The following TRIM54 variants were observed in gnomAD, a reference collection of about 807,000 sequenced individuals.
TRIM54 encodes tripartite motif containing 54.
Under a neutral mutation model 42.0 loss-of-function variants are expected in TRIM54, and 40 were observed. That is an observed-to-expected ratio of 0.95 (90% CI 0.74 to 1.24). The LOEUF (loss-of-function observed/expected upper bound fraction) is 1.24. TRIM54 is among the 50% of genes most tolerant of loss of function. The pLI, the probability that TRIM54 is intolerant of heterozygous loss-of-function variation, is 0.00. For missense variants in TRIM54, 485 were observed against 480.3 expected, an observed-to-expected ratio of 1.01 and a Z score of -0.09; for synonymous variants, 199 against 194.9, an observed-to-expected ratio of 1.02 and a Z score of -0.17.
chr2:27,298,716 C>T lies in TRIM54; in HGVS notation c.318C>T (p.Asp106=), dbSNP rs1558587399. 1.2e-6 allele frequency: 2 copies of T among 1,614,100 alleles called. No homozygotes were observed. The highest frequency in any genetic ancestry group is 2.2e-5 in the East Asian group (1 of 44,884). The change falls in exon 2 of 9, where the codon GAC becomes GAT. Residue 106 remains aspartate, a synonymous_variant. Coordinates refer to ENST00000380075, the MANE Select transcript of TRIM54 (RefSeq NM_187841.3). ...ACCTGCTAGTGGAGAACATTATCGACATTTACAAGCAGGAGTCATCCAGGT... is the reference window on the plus strand; with the variant it reads ...ACCTGCTAGTGGAGAACATTATCGATATTTACAAGCAGGAGTCATCCAGGT... ...QRNLLVENII[D]IYKQESSRPL...
chr2:27,306,654 C>T lies in TRIM54; in HGVS notation c.*1+112C>T. 8.6e-7 allele frequency: 1 copy of T among 1,158,920 alleles called. No individual in the cohort carries two copies. Among genetic ancestry groups the T allele is most frequent in the Admixed American group, 2.8e-5 (1 of 35,116 alleles). 71.8% of individuals were successfully genotyped at this position (1,158,920 alleles called of 1,614,324 possible). On this transcript the variant is annotated intron_variant, in intron 8 of 8. Transcript: ENST00000380075. The surrounding 1 kb of genome is among the most constrained non-coding windows in gnomAD (Gnocchi z 6.1). ...CAGTGATTGCCCTCCCTGCGGGTAG[C>T]GTGGAGCCCCCACTCCTCGGTGCAA...
At chr2:27,301,271 C>T (rs1679028871) in intron 3 of TRIM54, among the ~76,000 whole-genome samples, 1 of 151,684 alleles carries the variant, frequency 6.6e-6, no homozygotes, top group Non-Finnish European at 1.5e-5. Context: ...TCCCAAGTAT[C>T]TGGGATTACA....
intron 3 of TRIM54, among the ~76,000 whole-genome samples, chr2:27,303,720 T>C (rs905985588): frequency 6.6e-6 from 1 of 152,080 alleles, no homozygotes; most frequent in Non-Finnish European, 1.5e-5. Context: ...ATCAATAAAA[T>C]ATTAGATCAC....
Position 27,306,289 on chromosome 2 carries a change from A to AGGGTGGAGCACGT in TRIM54, c.946_958dup (p.Ala320GlyfsTer139). 1.2e-6 allele frequency: 2 copies of AGGGTGGAGCACGT among 1,614,166 alleles called. No homozygotes were observed. The highest frequency in any genetic ancestry group is 1.7e-6 in the Non-Finnish European group (2 of 1,180,022). On this transcript the variant is annotated frameshift_variant, in exon 7 of 9. Transcript: ENST00000380075. LOFTEE classifies it high-confidence loss of function. The surrounding 1 kb of genome is among the most constrained non-coding windows in gnomAD (Gnocchi z 6.1). The stretch of plus-strand genomic sequence containing the variant: ...TGAGAGCATGGAGCAATTCACCGTA[A>AGGGTGGAGCACGT]GGGTGGAGCACGTGGCCGAAATGCT...
intron 1 of TRIM54, among the ~76,000 whole-genome samples, chr2:27,294,860 G>C (rs533997436): frequency 2.2e-4 from 30 of 136,678 alleles, no homozygotes; most frequent in African/African-American, 6.0e-4. Flanking sequence ...ACTGCACTCC[G>C]GCCTGGGCGA....
intron 1 of TRIM54, among the ~76,000 whole-genome samples, chr2:27,283,782 GCGCACACACACACACACACACACACA>G (rs1333436647): frequency 1.2e-5 from 1 of 86,322 alleles, no homozygotes; most frequent in African/African-American, 4.9e-5. Context: ...ACACACACGC[GCGCACACACACACACACACACACACA>G]CACACACACA....
In TRIM54 at chr2:27,306,972, G is replaced by A. The variant is rs1303367531; in HGVS notation, c.*87G>A. 1 of 241,972 alleles carries A rather than the reference G, an allele frequency of 4.1e-6. No individual in the cohort carries two copies. The highest frequency in any genetic ancestry group is 8.0e-6 in the Non-Finnish European group (1 of 124,540). The allele number at this position is 241,972 out of a possible 1,614,324, so 15.0% of individuals were successfully genotyped here. A position where few individuals can be genotyped will look rare whatever the true frequency, so the allele number is the denominator to read the frequency against. On this transcript the variant is annotated 3_prime_UTR_variant, in exon 9 of 9. Coordinates refer to ENST00000380075, the MANE Select transcript of TRIM54 (RefSeq NM_187841.3). This position sits in a 1 kb window ranked among gnomAD's most constrained non-coding sequence, Gnocchi z 6.1. Reference sequence around the variant, plus strand: ...AGACCGCAGCATCACCCAAATCGGCGCCGGCCCCGGGAGGATCTCAATAAA... The same window carrying A: ...AGACCGCAGCATCACCCAAATCGGCACCGGCCCCGGGAGGATCTCAATAAA...
chr2:27,304,823 CT>C (rs756377191), intron 3 of TRIM54, 135 bp from the exon 4 acceptor site: 5 of 652,060 alleles, frequency 7.7e-6, no homozygotes, highest in Non-Finnish European at 1.4e-5. Flanking sequence ...TGGTTCAAGC[CT>C]TCTAGATTGC....
chr2:27,306,456 G>A lies in TRIM54; in HGVS notation c.992G>A (p.Gly331Asp). ...CTCACCAGGCCTTCCTTGGGCTCAG[G>A]CGCTTCCGGGGAGGAAGAGGAGGTG... is the stretch of plus-strand genomic sequence containing the variant. ...EMLRTIDFQP[G>D]ASGEEEEVAP... Residue 331 changes from glycine (G) to aspartate (D), a missense_variant and splice_region_variant, in exon 8 of 9, where the codon GGC becomes GAC. Transcript: ENST00000380075. This position sits in a 1 kb window ranked among gnomAD's most constrained non-coding sequence, Gnocchi z 6.1. The A allele has an allele frequency of 1.9e-6, 3 of 1,599,216 alleles. No individual in the cohort carries two copies. The highest frequency in any genetic ancestry group is 2.6e-6 in the Non-Finnish European group (3 of 1,172,824).
rs765394780 is a variant in TRIM54, at chr2:27,306,248, G to A, written c.902G>A (p.Arg301Gln). Residue 301 changes from arginine to glutamine, a missense_variant, in exon 7 of 9, where the codon CGG becomes CAG. Transcript: ENST00000380075. The surrounding 1 kb of genome is among the most constrained non-coding windows in gnomAD (Gnocchi z 6.1). ...ATGTCGAAGGTGGAGCTGGCAGGGC[G>A]GCCGGAGCCAGGCTATGAGAGCATG... The part of the protein sequence containing the change: ...GAMSKVELAG[R>Q]PEPGYESMEQ... The A allele has an allele frequency of 5.6e-6, 9 of 1,614,094 alleles. No homozygotes were observed. The South Asian group carries it at 6.6e-5, about 12-fold the overall frequency.
chr2:27,289,940 C>T (rs1034169027), intron 1 of TRIM54, among the ~76,000 whole-genome samples: 6 of 123,166 alleles, frequency 4.9e-5, no homozygotes, highest in Non-Finnish European at 7.8e-5. Context: ...GGCTTGATTT[C>T]GGCTCACTGC....
chr2:27,301,841 A>C (rs1257918539), intron 3 of TRIM54, among the ~76,000 whole-genome samples: 1 of 151,964 alleles, frequency 6.6e-6, no homozygotes, highest in African/African-American at 2.4e-5. Context: ...CAGCCTCCCA[A>C]AGCGTTACTC....
Position 27,283,768 on chromosome 2 carries a change from ACACACACACACGCGCG to A in TRIM54, c.168+881_168+896del, listed in dbSNP as rs1244078561. On this transcript the variant is annotated intron_variant, in intron 1 of 8. Coordinates refer to ENST00000380075, the MANE Select transcript of TRIM54 (RefSeq NM_187841.3). ...CAGGGAGAGTGAGGGGCAAAGGCAC[ACACACACACACGCGCG>A]CACACACACACACACACACACACAC... Among the ~76,000 whole-genome samples, 333 of 93,934 alleles carry A rather than the reference ACACACACACACGCGCG, an allele frequency of 3.5e-3. 2 individuals carry two copies. Among genetic ancestry groups the A allele is most frequent in the African/African-American group, 0.019 (316 of 16,876 alleles). 61.6% of individuals were successfully genotyped at this position (93,934 alleles called of 152,430 possible).
At chr2:27,289,479 G>T (rs1678662433) in intron 1 of TRIM54, among the ~76,000 whole-genome samples, 1 of 152,014 alleles carries the variant, frequency 6.6e-6, no homozygotes, top group Non-Finnish European at 1.5e-5. Flanking sequence ...ACCACACCTG[G>T]CTAATTTTGT....
intron 1 of TRIM54, among the ~76,000 whole-genome samples, chr2:27,283,270 C>T (rs1229205508): frequency 2.6e-5 from 4 of 152,024 alleles, no homozygotes; most frequent in East Asian, 3.8e-4. Context: ...GTGGAAAATA[C>T]GGAGAAAAGA....
rs1679184208 is a variant in TRIM54 at position 27,305,799 on chromosome 2, A to G, written c.825A>G (p.Gln275=). ...ESAIQSMEEP[Q]MALYLQQAKE... is the part of the protein sequence containing the mutation. ...CCATCCAGTCCATGGAAGAGCCACA[A>G]ATGGCGCTGTATCTCCAGGTGGGCT... The change falls in exon 5 of 9, where the codon CAA becomes CAG. Residue 275 remains glutamine, a synonymous_variant. Coordinates refer to ENST00000380075, the MANE Select transcript of TRIM54 (RefSeq NM_187841.3). The G allele has an allele frequency of 6.2e-7, 1 of 1,604,700 alleles. No homozygotes were observed. Among genetic ancestry groups the G allele is most frequent in the African/African-American group, 1.3e-5 (1 of 74,658 alleles).
In TRIM54 at chr2:27,305,101, C is replaced by T. The variant is rs114956796; in HGVS notation, c.609+47C>T. On this transcript the variant is annotated intron_variant, in intron 4 of 8. Transcript: ENST00000380075. ...GGAGGAACAGCAACTGGCTAGCCTGCGGACCCCGGGCTCCCAAGAGAACTG... is the reference window on the plus strand; with the variant it reads ...GGAGGAACAGCAACTGGCTAGCCTGTGGACCCCGGGCTCCCAAGAGAACTG... The T allele has an allele frequency of 2.8e-5, 43 of 1,520,358 alleles. No individual in the cohort carries two copies. The African/African-American group carries it at 3.7e-4, about 13-fold the overall frequency. 94.2% of individuals were successfully genotyped at this position (1,520,358 alleles called of 1,614,324 possible). A position where few individuals can be genotyped will look rare whatever the true frequency, so the allele number is the denominator to read the frequency against.
At chr2:27,300,011 C>T (rs1011975385) in intron 3 of TRIM54, among the ~76,000 whole-genome samples, 16 of 151,594 alleles carry the variant, frequency 1.1e-4, no homozygotes, top group African/African-American at 2.9e-4. Flanking sequence ...GGATCTCTGT[C>T]GCGCAGGCTG....
rs1434120016 is a variant in TRIM54 at position 27,306,404 on chromosome 2, C to T, written c.992-52C>T. 7 of 1,612,256 alleles carry T rather than the reference C, an allele frequency of 4.3e-6. No individual in the cohort carries two copies. The highest frequency in any genetic ancestry group is 2.2e-5 in the South Asian group (2 of 90,918). ...CTCTGTGTGGGGGGTGCGGCGGGCACGATGGCCGTAAAGGCAGGGACTCCA... is the reference window on the plus strand; with the variant it reads ...CTCTGTGTGGGGGGTGCGGCGGGCATGATGGCCGTAAAGGCAGGGACTCCA... On this transcript the variant is annotated intron_variant, in intron 7 of 8. Coordinates refer to ENST00000380075, the MANE Select transcript of TRIM54 (RefSeq NM_187841.3). This position sits in a 1 kb window ranked among gnomAD's most constrained non-coding sequence, Gnocchi z 6.1.
Sources: allele counts gnomAD v4.1 joint callset (sites outside exome capture counted in the v4.1 genomes callset), GRCh38; gene constraint gnomAD v4.1.1; non-coding constraint Gnocchi (gnomAD v3.1); transcripts MANE v1.5; gene names NCBI Gene and HGNC (gene_info 2026-07-23, HGNC 2026-07-21).